The following WWOX variants were observed in gnomAD, a reference collection of about 807,000 sequenced individuals.
WWOX encodes WW domain-containing oxidoreductase.
In WWOX, 69 loss-of-function variants were observed where a neutral mutation model predicts 46.2. That is an observed-to-expected ratio of 1.49 (90% CI 1.23 to 1.82). WWOX has a LOEUF of 1.82. Among genes scored for constraint, WWOX ranks in the 40% most tolerant of loss-of-function variants. The probability of loss-of-function intolerance (pLI) is 0.00; values close to 1 mark genes in which losing one functional copy is unlikely to be tolerated. For synonymous variants in WWOX, 359 were observed against 202.6 expected, an observed-to-expected ratio of 1.77 and a Z score of -6.56; for missense variants, 919 against 542.6, an observed-to-expected ratio of 1.69 and a Z score of -6.89.
chr16:78,618,070 T>C (rs976762247), intron 8 of WWOX, among the ~76,000 whole-genome samples: 1 of 152,206 alleles, frequency 6.6e-6, no homozygotes, highest in Admixed American at 6.5e-5. Flanking sequence ...TAAATTTTCA[T>C]GGCAAGCCTA....
intron 8 of WWOX, among the ~76,000 whole-genome samples, chr16:79,038,125 G>C (rs1385488701): frequency 6.6e-6 from 1 of 152,090 alleles, no homozygotes; most frequent in African/African-American, 2.4e-5. Context: ...CAGTTCAAAA[G>C]GATCTGTCCC....
At chr16:78,884,014 C>G (rs572836592) in intron 8 of WWOX, among the ~76,000 whole-genome samples, 2 of 152,162 alleles carry the variant, frequency 1.3e-5, no homozygotes, top group African/African-American at 4.8e-5. Flanking sequence ...CGTGGTGGCT[C>G]ATGCCTGTAA....
chr16:78,502,583 A>G (rs1489903505), intron 8 of WWOX, among the ~76,000 whole-genome samples: 1 of 152,216 alleles, frequency 6.6e-6, no homozygotes. Flanking sequence ...GTATCCATTC[A>G]TTAGTTCATG....
In WWOX at chr16:78,099,772, G is replaced by A; in HGVS notation, c.-7G>A. 6.5e-7 allele frequency: 1 copy of A among 1,540,764 alleles called. No homozygotes were observed. Among genetic ancestry groups the A allele is most frequent in the African/African-American group, 1.4e-5 (1 of 72,054 alleles). On this transcript the variant is annotated 5_prime_UTR_variant, in exon 1 of 9. Coordinates refer to ENST00000566780, the MANE Select transcript of WWOX (RefSeq NM_016373.4). ...GATAGGGGGGCCAGGTGCCTCCACAGTCAGCCATGGCAGCGCTGCGCTACG... is the reference window on the plus strand; with the variant it reads ...GATAGGGGGGCCAGGTGCCTCCACAATCAGCCATGGCAGCGCTGCGCTACG...
At chr16:78,951,229 C>T (rs2046053200) in intron 8 of WWOX, among the ~76,000 whole-genome samples, 1 of 152,230 alleles carries the variant, frequency 6.6e-6, no homozygotes, top group Non-Finnish European at 1.5e-5. Flanking sequence ...TTCTCTGCAT[C>T]TCTCAGCTGT....
intron 8 of WWOX, among the ~76,000 whole-genome samples, chr16:78,912,249 C>T (rs898274122): frequency 6.6e-6 from 1 of 152,018 alleles, no homozygotes; most frequent in African/African-American, 2.4e-5. Context: ...CTATCATTAA[C>T]ACAGGTAATC....
At chr16:78,161,553 C>T (rs1408430852) in intron 4 of WWOX, among the ~76,000 whole-genome samples, 1 of 152,066 alleles carries the variant, frequency 6.6e-6, no homozygotes, top group Non-Finnish European at 1.5e-5. Flanking sequence ...CTCAGGCAAT[C>T]CCTCGACATC....
chr16:78,403,924 G>A (rs1335934621), intron 6 of WWOX, among the ~76,000 whole-genome samples: 4 of 152,130 alleles, frequency 2.6e-5, no homozygotes, highest in African/African-American at 9.7e-5. Flanking sequence ...GAGCTCTGTG[G>A]ACCACAGAGC....
intron 8 of WWOX, among the ~76,000 whole-genome samples, chr16:78,842,767 A>G (rs2052193488): frequency 6.6e-6 from 1 of 150,922 alleles, no homozygotes. Flanking sequence ...CAGTAGATTC[A>G]TTTGAGCCCA....
At chr16:78,423,689 GAAATA>G (rs1163864880) in intron 6 of WWOX, among the ~76,000 whole-genome samples, 2 of 151,854 alleles carry the variant, frequency 1.3e-5, no homozygotes, top group Admixed American at 6.6e-5. Context: ...TAAAAAATAA[GAAATA>G]AAATAGCCAT....
chr16:78,321,578 T>G (rs566314053), intron 5 of WWOX, among the ~76,000 whole-genome samples: 6 of 152,138 alleles, frequency 3.9e-5, no homozygotes, highest in African/African-American at 1.4e-4. Flanking sequence ...AGTCCTTAAA[T>G]GGATGTCCTA....
intron 5 of WWOX, among the ~76,000 whole-genome samples, chr16:78,191,935 C>T (rs368424941): frequency 1.3e-5 from 2 of 152,244 alleles, no homozygotes; most frequent in South Asian, 2.1e-4. Flanking sequence ...GTATGACACA[C>T]AGAGAACACT....
At chr16:78,461,428 G>C (rs1470600745) in intron 8 of WWOX, among the ~76,000 whole-genome samples, 1 of 152,228 alleles carries the variant, frequency 6.6e-6, no homozygotes, top group Non-Finnish European at 1.5e-5. Context: ...ATAGATGGTA[G>C]AGAATTCTGG....
chr16:78,549,826 A>G (rs970779574), intron 8 of WWOX, among the ~76,000 whole-genome samples: 25 of 152,220 alleles, frequency 1.6e-4, no homozygotes, highest in Non-Finnish European at 3.4e-4. Context: ...AAACATTTGT[A>G]TGGTGTATGT....
chr16:79,084,076 C>T (rs745865965), intron 8 of WWOX, among the ~76,000 whole-genome samples: 4 of 152,142 alleles, frequency 2.6e-5, no homozygotes, highest in Non-Finnish European at 5.9e-5. Flanking sequence ...TCTTGATTTA[C>T]ATGGTGGTGG....
chr16:78,961,487 A>C (rs2046270175), intron 8 of WWOX, among the ~76,000 whole-genome samples: 1 of 151,818 alleles, frequency 6.6e-6, no homozygotes, highest in Admixed American at 6.6e-5. Context: ...ATGGATAGGT[A>C]GATGGATGGA....
At chr16:78,265,638 G>A (rs560568574) in intron 5 of WWOX, among the ~76,000 whole-genome samples, 2 of 150,308 alleles carry the variant, frequency 1.3e-5, no homozygotes, top group South Asian at 2.1e-4. Context: ...AGATTGTGCC[G>A]TTGCACTCCA....
At chr16:79,019,317 A>G (rs922582519) in intron 8 of WWOX, among the ~76,000 whole-genome samples, 2 of 151,984 alleles carry the variant, frequency 1.3e-5, no homozygotes, top group African/African-American at 4.8e-5. Context: ...ACAAACCTAG[A>G]TGGTGCCGTC....
chr16:78,881,606 T>TGTAA (rs2044345194), intron 8 of WWOX, among the ~76,000 whole-genome samples: 1 of 152,184 alleles, frequency 6.6e-6, no homozygotes, highest in South Asian at 2.1e-4. Context: ...TGTGACTTGA[T>TGTAA]GTAAGGTATC....
Sources: gnomAD v4.1 joint callset for allele counts (sites outside exome capture counted in the v4.1 genomes callset) on GRCh38, gnomAD v4.1.1 for gene constraint, MANE v1.5 for transcripts, NCBI Gene and HGNC (gene_info 2026-07-23, HGNC 2026-07-21) for gene names.